The following SCNN1A variants were observed in gnomAD, a reference collection of about 807,000 sequenced individuals.
SCNN1A encodes the protein sodium channel epithelial 1 subunit alpha, also known as epithelial sodium channel subunit alpha.
In SCNN1A, 65 loss-of-function variants were observed where a neutral mutation model predicts 68.6. The observed-to-expected ratio is 0.95, with a 90% CI of 0.78 to 1.16. The LOEUF (loss-of-function observed/expected upper bound fraction) is 1.16. SCNN1A is among the 50% of genes most tolerant of loss of function. The pLI is 0.00. For synonymous variants in SCNN1A, 357 were observed against 353.3 expected (o/e 1.01, Z -0.12); for missense variants, 880 against 865.9 (o/e 1.02, Z -0.20).
intron 2 of SCNN1A, among the ~76,000 whole-genome samples, chr12:6,369,638 C>G (rs897500502): frequency 1.3e-5 from 2 of 152,102 alleles, no homozygotes; most frequent in African/African-American, 2.4e-5. Flanking sequence ...TGAGACCATC[C>G]TGGCTAACAC....
At chr12:6,361,269 C>A (rs547068851) in intron 4 of SCNN1A, among the ~76,000 whole-genome samples, 1 of 152,276 alleles carries the variant, frequency 6.6e-6, no homozygotes, top group Non-Finnish European at 1.5e-5. Context: ...GTGATACATC[C>A]AGAGTCACCT....
At chr12:6,375,457 G>C in intron 1 of SCNN1A, 48 bp downstream of exon 1, 1 of 1,535,448 alleles carries the variant, frequency 6.5e-7, no homozygotes, top group Non-Finnish European at 8.7e-7. Context: ...GACTGGGACT[G>C]GTTCCTTTCC....
At position 6,370,081 on chromosome 12, in the gene SCNN1A, A is replaced by G. The variant is rs115795092; in HGVS notation, c.416+4287T>C. Among the ~76,000 whole-genome samples the G allele has an allele frequency of 5.8e-3, 876 of 152,306 alleles. 8 individuals carry two copies. The highest frequency in any genetic ancestry group is 0.02 in the African/African-American group (831 of 41,566). On this transcript the variant is annotated intron_variant, in intron 2 of 12. Coordinates refer to ENST00000228916, the MANE Select transcript of SCNN1A (RefSeq NM_001038.6). ...CTGGCCTTGACCTCCTCCTCAGGTC[A>G]TGCTCACTGCCCTCACTCCCATCTG...
intron 4 of SCNN1A, among the ~76,000 whole-genome samples, chr12:6,360,780 GA>G (rs1013617231): frequency 1.7e-4 from 23 of 135,942 alleles, no homozygotes; most frequent in African/African-American, 5.2e-4. Flanking sequence ...TACAGAAGGG[GA>G]CCCCCCCCTC....
upstream of SCNN1A, chr12:6,376,221 T>C (rs559199389): frequency 9.2e-5 from 90 of 982,186 alleles, no homozygotes; most frequent in African/African-American, 8.2e-4. Flanking sequence ...TGCCTCCTCC[T>C]GGTCCCTCCT....
chr12:6,355,752 A>G (rs1403846528), intron 5 of SCNN1A, 25 bp downstream of exon 5: 1 of 1,510,538 alleles, frequency 6.6e-7, no homozygotes, highest in Non-Finnish European at 9.2e-7. Context: ...AGAGGGCGCC[A>G]TGGAGCAAGC....
At chr12:6,349,464 C>A (rs1444168415) in intron 8 of SCNN1A, 59 bp from the exon 9 acceptor site, 2 of 1,240,208 alleles carry the variant, frequency 1.6e-6, no homozygotes, top group African/African-American at 1.5e-5. Flanking sequence ...CTACCCCACA[C>A]CCAAGAGGTC....
chr12:6,349,107 G>A, intron 10 of SCNN1A, 57 bp downstream of exon 10: 1 of 1,602,128 alleles, frequency 6.2e-7, no homozygotes, highest in Non-Finnish European at 8.6e-7. Context: ...ACCCAGAGAA[G>A]GCCACAGCAT....
In SCNN1A at chr12:6,363,514, T is replaced by C; in HGVS notation, c.613A>G (p.Ser205Gly). 6.2e-7 allele frequency: 1 copy of C among 1,609,254 alleles called. No individual in the cohort carries two copies. The highest frequency in any genetic ancestry group is 8.5e-7 in the Non-Finnish European group (1 of 1,177,772). ...TTGTCCCGCAAGCTGGAGGCCACGCTACGGGCTCGACGGGCCCCGTGAGGC... is the reference window on the plus strand; with the variant it reads ...TTGTCCCGCAAGCTGGAGGCCACGCCACGGGCTCGACGGGCCCCGTGAGGC... Reference protein sequence around the residue: ...PPPHGARRARSVASSLRDNNP... With the variant: ...PPPHGARRARGVASSLRDNNP... The change falls in exon 3 of 13, where the codon AGC (serine) becomes GGC (glycine). Residue 205 changes from serine (S) to glycine (G), a missense_variant. By Grantham distance (56) the Ser-to-Gly change is moderately conservative. Coordinates refer to ENST00000228916, the MANE Select transcript of SCNN1A (RefSeq NM_001038.6).
At position 6,372,039 on chromosome 12, in the gene SCNN1A, G is replaced by C. The variant is rs1948803543; in HGVS notation, c.416+2329C>G. On this transcript the variant is annotated intron_variant, in intron 2 of 12. Transcript: ENST00000228916. This position sits in a 1 kb window ranked among gnomAD's most constrained non-coding sequence, Gnocchi z 5.8. Reference sequence around the variant, plus strand: ...TCTCGAACTCCTGGCCTCAAGTGAGGGGCTCTTTTAAACAACCTTGTTTGA... The same window carrying C: ...TCTCGAACTCCTGGCCTCAAGTGAGCGGCTCTTTTAAACAACCTTGTTTGA... Among the ~76,000 whole-genome samples the C allele has an allele frequency of 6.6e-6, 1 of 152,072 alleles. No individual in the cohort carries two copies. The highest frequency in any genetic ancestry group is 2.4e-5 in the African/African-American group (1 of 41,410).
chr12:6,376,201 G>A (rs751350109), upstream of SCNN1A: 3 of 985,132 alleles, frequency 3.0e-6, no homozygotes, highest in Non-Finnish European at 3.6e-6. Flanking sequence ...GCACTCAGGT[G>A]GGATGCGTCT....
chr12:6,360,141 G>A lies in SCNN1A; in HGVS notation c.875+1910C>T, dbSNP rs559501545. On this transcript the variant is annotated intron_variant, in intron 4 of 12. Transcript: ENST00000228916. Reference sequence around the variant, plus strand: ...AACTGGAATAGTTACATGTGGTGACGTGAAGTAAGGTTGAAGTACAAAGGT... The same window carrying A: ...AACTGGAATAGTTACATGTGGTGACATGAAGTAAGGTTGAAGTACAAAGGT... Among the ~76,000 whole-genome samples the A allele has an allele frequency of 2.0e-5, 3 of 152,352 alleles. No homozygotes were observed. The East Asian group carries it at 5.8e-4, about 29-fold the overall frequency.
chr12:6,375,749 G>A, upstream of SCNN1A: 1 of 1,412,112 alleles, frequency 7.1e-7, no homozygotes, highest in Non-Finnish European at 9.2e-7. Flanking sequence ...GGAGGCTGGG[G>A]GACAGGATGG....
rs775891291 is a variant in SCNN1A at position 6,348,215 on chromosome 12, G to C, written c.1668C>G (p.Ser556Arg). 6.2e-7 allele frequency: 1 copy of C among 1,614,128 alleles called. No individual in the cohort carries two copies. Among genetic ancestry groups the C allele is most frequent in the Non-Finnish European group, 8.5e-7 (1 of 1,180,028 alleles). Reference protein sequence around the residue: ...TLLSNLGSQWSLWFGSSVLSV... With the variant: ...TLLSNLGSQWRLWFGSSVLSV... Reference sequence around the variant, plus strand: ...ACAACACCGAGGAGCCGAACCACAGGCTCCACTGGCTGCCCAGGTTGGACA... The same window carrying C: ...ACAACACCGAGGAGCCGAACCACAGCCTCCACTGGCTGCCCAGGTTGGACA... Residue 556 changes from serine to arginine, a missense_variant, in exon 13 of 13, where the codon AGC (serine) becomes AGG (arginine). Transcript: ENST00000228916.
chr12:6,365,106 TC>T (rs1948654571), intron 2 of SCNN1A, among the ~76,000 whole-genome samples: 1 of 148,314 alleles, frequency 6.7e-6, no homozygotes, highest in African/African-American at 2.5e-5. Context: ...CACTGCAGCC[TC>T]CTCCTGGGCT....
intron 4 of SCNN1A, among the ~76,000 whole-genome samples, chr12:6,359,813 C>T (rs1948554870): frequency 7.0e-6 from 1 of 141,960 alleles, no homozygotes; most frequent in Non-Finnish European, 1.5e-5. Flanking sequence ...CTCTGTCGCC[C>T]AGGCTGGAGT....
At chr12:6,358,280 C>A (rs10849445) in intron 4 of SCNN1A, among the ~76,000 whole-genome samples, 100,397 of 152,042 alleles carry the variant, frequency 0.66, 34,150 homozygotes, top group African/African-American at 0.82. Context: ...AAAAGACAGA[C>A]AACAGCATGA....
intron 4 of SCNN1A, among the ~76,000 whole-genome samples, chr12:6,358,585 G>A (rs758806392): frequency 4.2e-5 from 6 of 143,082 alleles, no homozygotes; most frequent in African/African-American, 1.2e-4. Flanking sequence ...TGGGCCGGGC[G>A]TGGTGGCTTA....
Position 6,349,102 on chromosome 12 carries a change from G to A in SCNN1A, c.1497+62C>T. ...AACACACTCATACACATAATACCCA[G>A]AGAAGGCCACAGCATTACATGGGCA... On this transcript the variant is annotated intron_variant, in intron 10 of 12. Coordinates refer to ENST00000228916, the MANE Select transcript of SCNN1A (RefSeq NM_001038.6). 8 of 1,602,152 alleles carry A rather than the reference G, an allele frequency of 5.0e-6. No individual in the cohort carries two copies. The Admixed American group carries it at 1.0e-4, about 20-fold the overall frequency.
Sources: gnomAD v4.1 joint callset for allele counts (sites outside exome capture counted in the v4.1 genomes callset) on GRCh38, gnomAD v4.1.1 for gene constraint, Gnocchi (gnomAD v3.1) non-coding constraint, MANE v1.5 for transcripts, NCBI Gene and HGNC (gene_info 2026-07-23, HGNC 2026-07-21) for gene names.